PHF24: variants seen among roughly 807,000 people sequenced by gnomAD.
PHF24 encodes the protein Galpha inhibitory interacting protein.
Under a neutral mutation model 42.6 loss-of-function variants are expected in PHF24, and 25 were observed. The observed-to-expected ratio is 0.59, with a 90% confidence interval of 0.43 to 0.82. The LOEUF (loss-of-function observed/expected upper bound fraction) is 0.82, where lower values mean the gene tolerates loss of function less well. Ranked by LOEUF, PHF24 falls within the 40% of genes least tolerant of loss-of-function variation. The pLI is 0.00. For missense variants in PHF24, 470 were observed against 538.1 expected (o/e 0.87, Z 1.25); for synonymous variants, 185 against 204.8 (o/e 0.90, Z 0.83).
chr9:34,709,216 C>G, the PHF24 span: 20 of 777,764 alleles, frequency 2.6e-5, no homozygotes, highest in Non-Finnish European at 3.0e-5. Context: ...CTCAGCCATG[C>G]AGGGTAGAGC....
the PHF24 span, among the ~76,000 whole-genome samples, chr9:34,721,409 C>CA: frequency 1.3e-5 from 2 of 151,144 alleles, no homozygotes; most frequent in African/African-American, 4.9e-5. Context: ...TTCTCTCTCT[C>CA]TCTCTCTCTC....
chr9:34,785,654 T>C, the PHF24 span, among the ~76,000 whole-genome samples: 1 of 152,190 alleles, frequency 6.6e-6, no homozygotes, highest in South Asian at 2.1e-4. Flanking sequence ...AGTATGGAGC[T>C]TCTAGGCTTA....
chr9:34,819,723 G>A, the PHF24 span, among the ~76,000 whole-genome samples: 1 of 152,042 alleles, frequency 6.6e-6, no homozygotes, highest in Non-Finnish European at 1.5e-5. Context: ...CCCAGAATGT[G>A]GTATATGATG....
chr9:34,859,624 C>A, the PHF24 span, among the ~76,000 whole-genome samples: 33 of 152,152 alleles, frequency 2.2e-4, no homozygotes, highest in African/African-American at 7.5e-4. Context: ...TACCATTTTT[C>A]CCTATAAATA....
the PHF24 span, among the ~76,000 whole-genome samples, chr9:34,739,601 C>G: frequency 6.6e-5 from 10 of 152,004 alleles, no homozygotes; most frequent in African/African-American, 2.2e-4. Flanking sequence ...CGGATGTGTT[C>G]GGAGTTTCTT....
chr9:34,746,868 C>G, the PHF24 span, among the ~76,000 whole-genome samples: 1 of 151,980 alleles, frequency 6.6e-6, no homozygotes, highest in African/African-American at 2.4e-5. Flanking sequence ...TTAGGGTGGT[C>G]AAACAAATCA....
At chr9:34,934,686 C>T in the PHF24 span, among the ~76,000 whole-genome samples, 1,263 of 152,262 alleles carry the variant, frequency 8.3e-3, 10 homozygotes, top group African/African-American at 0.028. Flanking sequence ...TAGGACTCTG[C>T]CCTTCCCTTA....
the PHF24 span, among the ~76,000 whole-genome samples, chr9:34,719,710 A>G: frequency 4.6e-5 from 7 of 152,204 alleles, no homozygotes; most frequent in Admixed American, 4.6e-4. Context: ...CTGGCTTCCT[A>G]CCTGATGCTG....
chr9:34,785,460 A>G, the PHF24 span, among the ~76,000 whole-genome samples: 1 of 152,246 alleles, frequency 6.6e-6, no homozygotes, highest in South Asian at 2.1e-4. Context: ...AACACATTTT[A>G]GACTACCAAA....
chr9:34,731,327 T>A, the PHF24 span, among the ~76,000 whole-genome samples: 1 of 152,260 alleles, frequency 6.6e-6, no homozygotes, highest in East Asian at 1.9e-4. Flanking sequence ...CAATAAATTA[T>A]TATTGACTGT....
At chr9:34,886,436 G>A in the PHF24 span, among the ~76,000 whole-genome samples, 17 of 152,162 alleles carry the variant, frequency 1.1e-4, no homozygotes, top group African/African-American at 3.9e-4. Flanking sequence ...AGGGTCATTA[G>A]TGATCTTTAT....
the PHF24 span, among the ~76,000 whole-genome samples, chr9:34,722,501 T>TG: frequency 6.6e-6 from 1 of 152,178 alleles, no homozygotes; most frequent in African/African-American, 2.4e-5. Flanking sequence ...CTGGACAATT[T>TG]GGGAGTAATA....
chr9:34,709,988 C>G, the PHF24 span: 1 of 1,614,006 alleles, frequency 6.2e-7, no homozygotes, highest in African/African-American at 1.3e-5. Context: ...AGGCCCCTCC[C>G]TGCCTTGGTA....
chr9:34,922,654 C>T, the PHF24 span: 2 of 1,142,888 alleles, frequency 1.7e-6, no homozygotes, highest in Non-Finnish European at 2.6e-6. Context: ...TATCTCTTAG[C>T]TAGGTCTCAG....
chr9:34,925,657 T>C, the PHF24 span, among the ~76,000 whole-genome samples: 2 of 152,166 alleles, frequency 1.3e-5, no homozygotes, highest in Non-Finnish European at 2.9e-5. Flanking sequence ...TATCTCTTGT[T>C]GAAGTTCTTA....
chr9:34,820,015 T>C, the PHF24 span, among the ~76,000 whole-genome samples: 1 of 152,142 alleles, frequency 6.6e-6, no homozygotes, highest in African/African-American at 2.4e-5. Flanking sequence ...TTTTGATGAG[T>C]TGAACCTGTT....
chr9:34,748,132 A>G, the PHF24 span, among the ~76,000 whole-genome samples: 3 of 152,218 alleles, frequency 2.0e-5, no homozygotes, highest in Non-Finnish European at 4.4e-5. Flanking sequence ...AGGAGGGGAT[A>G]CAATAGAGTT....
the PHF24 span, among the ~76,000 whole-genome samples, chr9:34,946,694 A>G: frequency 1.3e-5 from 2 of 152,208 alleles, no homozygotes; most frequent in Non-Finnish European, 2.9e-5. Flanking sequence ...GCATACAGCT[A>G]CAGACTACCC....
At chr9:34,961,257 A>G (rs1826579916) in intron 1 of PHF24, among the ~76,000 whole-genome samples, 1 of 152,128 alleles carries the variant, frequency 6.6e-6, no homozygotes, top group Non-Finnish European at 1.5e-5. Flanking sequence ...TCCCAAATTG[A>G]TTTATTCATT....
Sources: allele counts gnomAD v4.1 joint callset (sites outside exome capture counted in the v4.1 genomes callset), GRCh38; gene constraint gnomAD v4.1.1; transcripts MANE v1.5; gene names NCBI Gene and HGNC (gene_info 2026-07-23, HGNC 2026-07-21).